Variants in GREB1 observed in about 807,000 individuals in gnomAD.
GREB1 encodes growth regulating estrogen receptor binding 1, also known as protein GREB1.
A neutral mutation model predicts 200.7 loss-of-function variants in GREB1; 106 were observed. That is an observed-to-expected ratio of 0.53 (90% confidence interval 0.45 to 0.62). The LOEUF is 0.62. Ranked by LOEUF, GREB1 falls within the 20% of genes least tolerant of loss-of-function variation. GREB1 has a pLI of 0.00. For synonymous variants in GREB1, 1,132 were observed against 1,092.4 expected, an observed-to-expected ratio of 1.04 and a Z score of -0.72; for missense variants, 2,243 against 2,556.8, an observed-to-expected ratio of 0.88 and a Z score of 2.65.
chr2:11,504,220 C>T (rs772738542), intron 1 of GREB1, among the ~76,000 whole-genome samples: 4 of 152,218 alleles, frequency 2.6e-5, no homozygotes, highest in Non-Finnish European at 4.4e-5. Context: ...AGGAGATTTA[C>T]GTCCTGGATG....
At chr2:11,501,905 G>GTTTTTTTTTTT (rs1204074491) in intron 1 of GREB1, among the ~76,000 whole-genome samples, 2 of 61,596 alleles carry the variant, frequency 3.2e-5, no homozygotes, top group East Asian at 5.0e-4. Flanking sequence ...GTTTTTTTTT[G>GTTTTTTTTTTT]TTTTTTTTTT....
At chr2:11,545,906 G>C (rs542410242) in intron 1 of GREB1, among the ~76,000 whole-genome samples, 95 of 152,294 alleles carry the variant, frequency 6.2e-4, no homozygotes, top group African/African-American at 2.1e-3. Flanking sequence ...AGCCGGGCGC[G>C]GTGGCTCACG....
intron 1 of GREB1, among the ~76,000 whole-genome samples, chr2:11,486,884 CA>C (rs1192159055): frequency 6.6e-6 from 1 of 151,524 alleles, no homozygotes; most frequent in African/African-American, 2.4e-5. Flanking sequence ...AATAAACAAA[CA>C]AAAAAACAAC....
At chr2:11,566,729 G>T in intron 4 of GREB1, 73 bp downstream of exon 4, 1 of 1,376,070 alleles carries the variant, frequency 7.3e-7, no homozygotes, top group South Asian at 1.5e-5. Flanking sequence ...GGTCACGGCG[G>T]GGGGTGGTGG....
At chr2:11,616,862 T>A in intron 21 of GREB1, 142 bp downstream of exon 21, 1 of 630,824 alleles carries the variant, frequency 1.6e-6, no homozygotes, top group Non-Finnish European at 2.8e-6. Flanking sequence ...TTTGAAGTGC[T>A]AGACTCTCTA....
chr2:11,564,412 G>A (rs1434012761), intron 3 of GREB1, among the ~76,000 whole-genome samples: 1 of 152,170 alleles, frequency 6.6e-6, no homozygotes, highest in Non-Finnish European at 1.5e-5. Context: ...AGGCATGGTG[G>A]CACAAGTAGT....
At chr2:11,490,900 C>T (rs1672762058) in intron 1 of GREB1, among the ~76,000 whole-genome samples, 1 of 152,144 alleles carries the variant, frequency 6.6e-6, no homozygotes, top group African/African-American at 2.4e-5. Context: ...AGTAGAATTG[C>T]TAGGTCCTAT....
At chr2:11,595,023 C>T (rs1168794304) in intron 11 of GREB1, among the ~76,000 whole-genome samples, 2 of 143,986 alleles carry the variant, frequency 1.4e-5, no homozygotes, top group Non-Finnish European at 3.0e-5. Flanking sequence ...AAATTATTTA[C>T]CTTGATGTGA....
chr2:11,611,060 C>T lies in GREB1; in HGVS notation c.3006+33C>T, dbSNP rs749351295. The T allele has an allele frequency of 2.7e-6, 4 of 1,478,192 alleles. No individual in the cohort carries two copies. In the Admixed American group the frequency reaches 8.6e-5, roughly 32 times the overall value. The allele number at this position is 1,478,192 out of a possible 1,614,324, so 91.6% of individuals were successfully genotyped here. On this transcript the variant is annotated intron_variant, in intron 18 of 32. Coordinates refer to ENST00000381486, the MANE Select transcript of GREB1 (RefSeq NM_014668.4). ...CTGTGCGCAGGGAGGGGCGGAGGGCCTGGGGGTACCTGGGAGAGCTGAGGG... is the reference window on the plus strand; with the variant it reads ...CTGTGCGCAGGGAGGGGCGGAGGGCTTGGGGGTACCTGGGAGAGCTGAGGG...
intron 1 of GREB1, among the ~76,000 whole-genome samples, chr2:11,542,474 A>G (rs1488699579): frequency 6.6e-6 from 1 of 152,124 alleles, no homozygotes; most frequent in Non-Finnish European, 1.5e-5. Context: ...GGGCTCTGAG[A>G]GGAACGAGGG....
At chr2:11,568,510 A>G (rs966389012) in intron 4 of GREB1, among the ~76,000 whole-genome samples, 5 of 152,262 alleles carry the variant, frequency 3.3e-5, no homozygotes, top group Non-Finnish European at 7.3e-5. Flanking sequence ...AACCCACTCT[A>G]GCAAAGAAGC....
Position 11,556,570 on chromosome 2 carries a change from G to T in GREB1, c.-45G>T. 6.5e-7 allele frequency: 1 copy of T among 1,536,728 alleles called. No individual in the cohort carries two copies. Among genetic ancestry groups the T allele is most frequent in the Non-Finnish European group, 8.9e-7 (1 of 1,126,030 alleles). ...TTGCGTGGAGCCAGGCTTTTGCACC[G>T]AATCTGAGATGCCATTTTAAACAGA... On this transcript the variant is annotated 5_prime_UTR_variant, in exon 2 of 33. The change creates a premature stop within an existing upstream ORF in the 5' untranslated region. Transcript: ENST00000381486.
chr2:11,627,241 T>C, intron 25 of GREB1, 137 bp downstream of exon 25: 1 of 719,150 alleles, frequency 1.4e-6, no homozygotes, highest in African/African-American at 1.8e-5. Flanking sequence ...TTGCATCCTC[T>C]GTTCCCTTCA....
chr2:11,626,494 A>G (rs1684463247), intron 24 of GREB1, among the ~76,000 whole-genome samples: 1 of 152,190 alleles, frequency 6.6e-6, no homozygotes. Flanking sequence ...AGACTGAGGC[A>G]GGAGAATCAC....
Position 11,610,973 on chromosome 2 carries a change from G to T in GREB1, c.2952G>T (p.Leu984=). The T allele has an allele frequency of 6.2e-7, 1 of 1,608,092 alleles. No homozygotes were observed. Among genetic ancestry groups the T allele is most frequent in the South Asian group, 1.1e-5 (1 of 90,284 alleles). Residue 984 remains leucine (L), a synonymous_variant, in exon 18 of 33, where the codon CTG becomes CTT. Transcript: ENST00000381486. The part of the protein sequence containing the change: ...LALEEHFEII[L]GSPSSGVTVG... ...TGGAGGAGCACTTTGAGATCATCCT[G>T]GGCAGTCCCAGCTCAGGCGTCACCG... is the stretch of plus-strand genomic sequence containing the variant.
In GREB1 at chr2:11,610,790, C is replaced by T. The variant is rs1213215706; in HGVS notation, c.2769C>T (p.Tyr923=). The T allele has an allele frequency of 6.2e-7, 1 of 1,613,458 alleles. No homozygotes were observed. Among genetic ancestry groups the T allele is most frequent in the Non-Finnish European group, 8.5e-7 (1 of 1,180,004 alleles). ...AVSGLPQMKN[Y]TSVETLEITQ... Reference sequence around the variant, plus strand: ...GCGGCCTCCCGCAGATGAAGAACTACACGTCGGTGGAGACGCTGGAGATCA... The same window carrying T: ...GCGGCCTCCCGCAGATGAAGAACTATACGTCGGTGGAGACGCTGGAGATCA... Residue 923 remains tyrosine (Y), a synonymous_variant, in exon 18 of 33, where the codon TAC becomes TAT. Coordinates refer to ENST00000381486, the MANE Select transcript of GREB1 (RefSeq NM_014668.4).
rs776983794 is a variant in GREB1, at chr2:11,618,866, G to A, written c.3991G>A (p.Gly1331Ser). The A allele has an allele frequency of 5.7e-6, 9 of 1,582,962 alleles. No homozygotes were observed. The highest frequency in any genetic ancestry group is 7.7e-6 in the Non-Finnish European group (9 of 1,169,632). ...CATGGACTACGGCAACCGGGCCGAG[G>A]GCCGCGTGGACGGCTTCCACCCCCG... ...SHMDYGNRAE[G>S]RVDGFHPRRL... Residue 1331 changes from glycine to serine, a missense_variant, in exon 22 of 33, where the codon GGC (glycine) becomes AGC (serine). Coordinates refer to ENST00000381486, the MANE Select transcript of GREB1 (RefSeq NM_014668.4).
chr2:11,602,843 A>G (rs1262395842), intron 17 of GREB1, among the ~76,000 whole-genome samples: 1 of 152,224 alleles, frequency 6.6e-6, no homozygotes, highest in African/African-American at 2.4e-5. Context: ...GGAAGATAAC[A>G]AAGCTTTAAA....
intron 1 of GREB1, among the ~76,000 whole-genome samples, chr2:11,513,389 A>G (rs1673402644): frequency 6.6e-6 from 1 of 152,184 alleles, no homozygotes; most frequent in African/African-American, 2.4e-5. Context: ...AGTTCGAAGC[A>G]GCTCAGGGTC....
Sources: gnomAD v4.1 joint callset for allele counts (sites outside exome capture counted in the v4.1 genomes callset) on GRCh38, gnomAD v4.1.1 for gene constraint, MANE v1.5 for transcripts, NCBI Gene and HGNC (gene_info 2026-07-23, HGNC 2026-07-21) for gene names.